Variants in EXO1 observed in about 807,000 individuals in gnomAD.
EXO1 encodes exonuclease 1.
Under a neutral mutation model 84.5 loss-of-function variants are expected in EXO1, and 69 were observed. The ratio of observed to expected loss-of-function variants is 0.82; its 90% confidence interval spans 0.67 to 1.00. The LOEUF (loss-of-function observed/expected upper bound fraction) is 1.00. Ranked by LOEUF, EXO1 falls within the 50% of genes least tolerant of loss-of-function variation. The pLI, the probability that EXO1 is intolerant of heterozygous loss-of-function variation, is 0.00. For synonymous variants in EXO1, 373 were observed against 366.1 expected, an observed-to-expected ratio of 1.02 and a Z score of -0.21; for missense variants, 1,045 against 1,000.7, an observed-to-expected ratio of 1.04 and a Z score of -0.60.
chr1:241,886,075 A>T (rs1039084590), intron 15 of EXO1, among the ~76,000 whole-genome samples: 27 of 151,482 alleles, frequency 1.8e-4, no homozygotes, highest in African/African-American at 6.5e-4. Context: ...CTAGTCTCGA[A>T]CTCCCAACCT....
At position 241,885,455 on chromosome 1, in the gene EXO1, C is replaced by A. The variant is rs966316301; in HGVS notation, c.2353C>A (p.Pro785Thr). The change falls in exon 15 of 16, where the codon CCG becomes ACG. Residue 785 changes from proline to threonine, a missense_variant. Physicochemically the swap from Pro to Thr is conservative, Grantham distance 38. Coordinates refer to ENST00000366548, the MANE Select transcript of EXO1 (RefSeq NM_130398.4). ...KRKHHNAENK[P>T]GLQIKLNELW... ...AAAGCATCATAATGCCGAGAACAAG[C>A]CGGGGTTACAGATCAAACTCAATGA... 1 of 1,613,706 alleles carries A rather than the reference C, an allele frequency of 6.2e-7. No individual in the cohort carries two copies. Among genetic ancestry groups the A allele is most frequent in the Non-Finnish European group, 8.5e-7 (1 of 1,179,822 alleles).
chr1:241,857,360 G>C lies in EXO1; in HGVS notation c.421G>C (p.Gly141Arg), dbSNP rs373134694. 8.9e-5 allele frequency: 143 copies of C among 1,613,750 alleles called. No homozygotes were observed. The highest frequency in any genetic ancestry group is 1.1e-4 in the Non-Finnish European group (130 of 1,179,892). Residue 141 changes from glycine to arginine, a missense_variant, in exon 7 of 16, where the codon GGG (glycine) becomes CGG (arginine). Coordinates refer to ENST00000366548, the MANE Select transcript of EXO1 (RefSeq NM_130398.4). Reference protein sequence around the residue: ...HKVIKAARSQGVDCLVAPYEA... With the variant: ...HKVIKAARSQRVDCLVAPYEA... ...TCTCTTCTAGGCTGCCCGGTCTCAGGGGGTAGATTGCCTCGTGGCTCCCTA... is the reference window on the plus strand; with the variant it reads ...TCTCTTCTAGGCTGCCCGGTCTCAGCGGGTAGATTGCCTCGTGGCTCCCTA...
At chr1:241,855,294 T>C (rs1288358459) in intron 6 of EXO1, among the ~76,000 whole-genome samples, 2 of 152,118 alleles carry the variant, frequency 1.3e-5, no homozygotes, top group Non-Finnish European at 2.9e-5. Flanking sequence ...TCAGATTAGT[T>C]AGATACAGTG....
chr1:241,879,106 C>T lies in EXO1; in HGVS notation c.1872C>T (p.Pro624=), dbSNP rs200301987. 2 of 1,613,970 alleles carry T rather than the reference C, an allele frequency of 1.2e-6. No homozygotes were observed. Among genetic ancestry groups the T allele is most frequent in the South Asian group, 1.1e-5 (1 of 91,088 alleles). ...GAGATTTTTCAAGAACGCCGAGCCCCTCTCCAAGCACAGCATTGCAGCAGT... is the reference window on the plus strand; with the variant it reads ...GAGATTTTTCAAGAACGCCGAGCCCTTCTCCAAGCACAGCATTGCAGCAGT... ...GLGDFSRTPS[P]SPSTALQQFR... is the part of the protein sequence containing the mutation. The change falls in exon 13 of 16, where the codon CCC becomes CCT. Residue 624 remains proline (P), a synonymous_variant. Coordinates refer to ENST00000366548, the MANE Select transcript of EXO1 (RefSeq NM_130398.4).
intron 8 of EXO1, among the ~76,000 whole-genome samples, chr1:241,859,393 G>A (rs188356730): frequency 6.2e-4 from 94 of 152,114 alleles, no homozygotes; most frequent in African/African-American, 2.1e-3. Flanking sequence ...TTTGAGTCCC[G>A]GCAGGCAAGT....
At chr1:241,889,230 A>G (rs1029449647) in intron 15 of EXO1, among the ~76,000 whole-genome samples, 2 of 152,226 alleles carry the variant, frequency 1.3e-5, no homozygotes, top group African/African-American at 4.8e-5. Context: ...GTGGTGGCCC[A>G]GCACCTACAC....
intron 4 of EXO1, 55 bp downstream of exon 4, chr1:241,850,641 C>T (rs561326903): frequency 8.4e-6 from 12 of 1,430,458 alleles, no homozygotes; most frequent in Non-Finnish European, 1.2e-5. Context: ...ACCTACAGTG[C>T]CTTTTTTTCT....
rs755710264 is a variant in EXO1 at position 241,878,964 on chromosome 1, C to A, written c.1730C>A (p.Ala577Glu). ...CCAGGTGATCATATTCCAGACAAGG[C>A]AACAGTGTTTACAGATGAAGAGTCC... ...HIPGDHIPDKATVFTDEESYS... is the reference protein window; with the variant it reads ...HIPGDHIPDKETVFTDEESYS... The change falls in exon 13 of 16, where the codon GCA (alanine) becomes GAA (glutamate). Residue 577 changes from alanine (A) to glutamate (E), a missense_variant. Physicochemically the swap from Ala to Glu is moderately radical, Grantham distance 107 (BLOSUM62 -1). Transcript: ENST00000366548. 8 of 1,613,978 alleles carry A rather than the reference C, an allele frequency of 5.0e-6. No homozygotes were observed. In the Admixed American group the frequency reaches 8.3e-5, roughly 17 times the overall value.
chr1:241,864,266 T>C lies in EXO1; in HGVS notation c.1042-2564T>C, dbSNP rs192381117. Among the ~76,000 whole-genome samples the C allele has an allele frequency of 2.8e-4, 42 of 152,338 alleles. No homozygotes were observed. The East Asian group carries it at 7.9e-3, about 29-fold the overall frequency. ...GGAATGTTCTCTGCACAGTTACATT[T>C]TTCCAAAAAGAGATGTCTGCTTAGG... On this transcript the variant is annotated intron_variant, in intron 10 of 15. Transcript: ENST00000366548.
At chr1:241,854,323 G>A (rs925990774) in intron 6 of EXO1, among the ~76,000 whole-genome samples, 2 of 152,170 alleles carry the variant, frequency 1.3e-5, no homozygotes, top group African/African-American at 4.8e-5. Flanking sequence ...TTTTAGTAGA[G>A]ATGGGGTTTC....
At chr1:241,875,021 G>A (rs760250669) in intron 12 of EXO1, among the ~76,000 whole-genome samples, 1 of 151,878 alleles carries the variant, frequency 6.6e-6, no homozygotes, top group African/African-American at 2.4e-5. Flanking sequence ...ATTTTTACTT[G>A]AGACAGAATT....
chr1:241,860,734 T>A lies in EXO1; in HGVS notation c.944+30T>A, dbSNP rs1300149362. The A allele has an allele frequency of 4.5e-6, 7 of 1,568,772 alleles. No individual in the cohort carries two copies. In the South Asian group the frequency reaches 7.8e-5, roughly 17 times the overall value. On this transcript the variant is annotated intron_variant, in intron 9 of 15. Transcript: ENST00000366548. ...CCTTTCTGAAACAGAATGGTAGAAT[T>A]TGTGCATTTTTCTTCAATATTTTTA...
Position 241,885,315 on chromosome 1 carries a change from T to C in EXO1, c.2213T>C (p.Val738Ala). Residue 738 changes from valine (V) to alanine (A), a missense_variant and splice_region_variant, in exon 15 of 16, where the codon GTT (valine) becomes GCT (alanine). Transcript: ENST00000366548. ...TTAAAATGGGTGTTTAATCTTCAGG[T>C]TCCTGGGCTATATAAGTCCAGTTCT... ...SKKDTPLRNK[V>A]PGLYKSSSAD... The C allele has an allele frequency of 6.2e-7, 1 of 1,612,646 alleles. No individual in the cohort carries two copies. The highest frequency in any genetic ancestry group is 8.5e-7 in the Non-Finnish European group (1 of 1,178,968).
chr1:241,860,970 G>A (rs561787265), intron 9 of EXO1, among the ~76,000 whole-genome samples: 1 of 152,286 alleles, frequency 6.6e-6, no homozygotes, highest in Non-Finnish European at 1.5e-5. Flanking sequence ...GTCACTTACG[G>A]TACACATTCC....
At chr1:241,887,635 T>G (rs889491909) in intron 15 of EXO1, among the ~76,000 whole-genome samples, 16 of 152,144 alleles carry the variant, frequency 1.1e-4, no homozygotes, top group African/African-American at 3.9e-4. Context: ...TTTATTTGTT[T>G]GTTTATTTAT....
chr1:241,856,550 G>A (rs891510826), intron 6 of EXO1, among the ~76,000 whole-genome samples: 8 of 151,726 alleles, frequency 5.3e-5, no homozygotes, highest in South Asian at 4.2e-4. Flanking sequence ...ATATACCTAC[G>A]TATATATTTT....
chr1:241,888,947 C>G (rs142465465), intron 15 of EXO1, among the ~76,000 whole-genome samples: 1 of 152,186 alleles, frequency 6.6e-6, no homozygotes, highest in African/African-American at 2.4e-5. Flanking sequence ...TGGTGGTGCA[C>G]GCCTGTAGTT....
At chr1:241,855,923 GCAC>G (rs1660999463) in intron 6 of EXO1, among the ~76,000 whole-genome samples, 1 of 152,192 alleles carries the variant, frequency 6.6e-6, no homozygotes, top group Non-Finnish European at 1.5e-5. Context: ...TGGCCCGCAA[GCAC>G]CGCGCGCAGC....
Position 241,879,142 on chromosome 1 carries a change from G to C in EXO1, c.1908G>C (p.Lys636Asn), listed in dbSNP as rs1391885022. Reference protein sequence around the residue: ...PSTALQQFRRKSDSPTSLPEN... With the variant: ...PSTALQQFRRNSDSPTSLPEN... ...CAGCATTGCAGCAGTTCCGAAGAAAGAGCGATTCCCCCACCTCTTTGCCTG... is the reference window on the plus strand; with the variant it reads ...CAGCATTGCAGCAGTTCCGAAGAAACAGCGATTCCCCCACCTCTTTGCCTG... Residue 636 changes from lysine to asparagine, a missense_variant, in exon 13 of 16, where the codon AAG (lysine) becomes AAC (asparagine). Transcript: ENST00000366548. The C allele has an allele frequency of 3.7e-6, 6 of 1,609,436 alleles. No homozygotes were observed. In the Admixed American group the frequency reaches 1.0e-4, roughly 27 times the overall value.
Sources: allele counts gnomAD v4.1 joint callset (sites outside exome capture counted in the v4.1 genomes callset), GRCh38; gene constraint gnomAD v4.1.1; transcripts MANE v1.5; gene names NCBI Gene and HGNC (gene_info 2026-07-23, HGNC 2026-07-21).